The following SLC17A1 variants were observed in gnomAD, a reference collection of about 807,000 sequenced individuals.
The protein encoded by SLC17A1 is solute carrier family 17 member 1, also known as sodium-dependent phosphate transport protein 1.
In SLC17A1, 51 loss-of-function variants were observed where a neutral mutation model predicts 53.5. That is an observed-to-expected ratio of 0.95 (90% CI 0.76 to 1.20). The LOEUF (loss-of-function observed/expected upper bound fraction) is 1.20. Among genes scored for constraint, SLC17A1 ranks in the 50% most tolerant of loss-of-function variants. The pLI is 0.00. For missense variants in SLC17A1, 538 were observed against 568.2 expected, an observed-to-expected ratio of 0.95 and a Z score of 0.54; for synonymous variants, 179 against 198.8, an observed-to-expected ratio of 0.90 and a Z score of 0.84.
In SLC17A1 at chr6:25,819,130, A is replaced by G; in HGVS notation, c.554T>C (p.Val185Ala). The G allele has an allele frequency of 6.2e-7, 1 of 1,610,254 alleles. No individual in the cohort carries two copies. Among genetic ancestry groups the G allele is most frequent in the Middle Eastern group, 1.7e-4 (1 of 6,050 alleles). The part of the protein sequence containing the change: ...TSGFLLGPFI[V>A]LLVTGVICES... ...ACAGATAACTCCAGTCACAAGTAGG[A>G]CAATAAAGGGTCCCAGCAAAAACCC... Residue 185 changes from valine to alanine, a missense_variant, in exon 6 of 13, where the codon GTC becomes GCC. Coordinates refer to ENST00000244527, the MANE Select transcript of SLC17A1 (RefSeq NM_005074.5).
the SLC17A1 span, among the ~76,000 whole-genome samples, chr6:25,765,162 T>C: frequency 0.3 from 45,071 of 152,072 alleles, 7,669 homozygotes; most frequent in East Asian, 0.74. Context: ...AATATGTTTG[T>C]GCAAAGGAAA....
the SLC17A1 span, among the ~76,000 whole-genome samples, chr6:25,743,370 A>G: frequency 6.6e-6 from 1 of 152,374 alleles, no homozygotes; most frequent in Non-Finnish European, 1.5e-5. Flanking sequence ...ACTTTTGAAT[A>G]TAGTTCTCTG....
At chr6:25,783,555 T>C (rs1256385422) in intron 12 of SLC17A1, among the ~76,000 whole-genome samples, 1 of 152,192 alleles carries the variant, frequency 6.6e-6, no homozygotes, top group East Asian at 1.9e-4. Flanking sequence ...TTGCTCTATA[T>C]CTATGTTGTA....
Position 25,819,766 on chromosome 6 carries a change from A to G in SLC17A1, c.357T>C (p.Ser119=), listed in dbSNP as rs372814893. 6.8e-6 allele frequency: 11 copies of G among 1,614,224 alleles called. No homozygotes were observed. In the East Asian group the frequency reaches 1.1e-4, roughly 16 times the overall value. ...CTGGTGGGATGAGCAGGCTTAACAC[A>G]GAGCTGAGGCATAATGCAAAGCCAA... ...KMIGFALCLS[S]VLSLLIPPAA... is the part of the protein sequence containing the mutation. The change falls in exon 4 of 13, where the codon TCT becomes TCC. Residue 119 remains serine (S), a synonymous_variant. Coordinates refer to ENST00000244527, the MANE Select transcript of SLC17A1 (RefSeq NM_005074.5).
chr6:25,728,658 C>CA, the SLC17A1 span, among the ~76,000 whole-genome samples: 1 of 151,980 alleles, frequency 6.6e-6, no homozygotes, highest in Non-Finnish European at 1.5e-5. Flanking sequence ...ACTCAAAATA[C>CA]AAAAAATTAG....
rs536245946 is a variant in SLC17A1, at chr6:25,831,165, C to T, written c.-50-558G>A. ...ATGCCCCTGTCCGTATCTTCAGTTTCCGTGGATAGAGCAGCCACTGATGCA... is the reference window on the plus strand; with the variant it reads ...ATGCCCCTGTCCGTATCTTCAGTTTTCGTGGATAGAGCAGCCACTGATGCA... On this transcript the variant is annotated intron_variant, in intron 1 of 12. Coordinates refer to ENST00000244527, the MANE Select transcript of SLC17A1 (RefSeq NM_005074.5). 6.6e-5 allele frequency among the ~76,000 whole-genome samples: 10 copies of T among 152,260 alleles called. No homozygotes were observed. In the South Asian group the frequency reaches 1.7e-3, roughly 25 times the overall value.
At chr6:25,792,331 TAAAA>T (rs1763519414) in intron 12 of SLC17A1, among the ~76,000 whole-genome samples, 1 of 152,182 alleles carries the variant, frequency 6.6e-6, no homozygotes, top group African/African-American at 2.4e-5. Context: ...TGAACCTGAT[TAAAA>T]ACCTAGGTGG....
chr6:25,788,030 T>G (rs1362077841), intron 12 of SLC17A1, among the ~76,000 whole-genome samples: 3 of 152,196 alleles, frequency 2.0e-5, no homozygotes, highest in African/African-American at 4.8e-5. Context: ...AGTGGGAATA[T>G]GAATCTGGTG....
At chr6:25,733,606 GT>G in the SLC17A1 span, among the ~76,000 whole-genome samples, 2 of 152,018 alleles carry the variant, frequency 1.3e-5, no homozygotes, top group Admixed American at 1.3e-4. Context: ...AGTTTATAAT[GT>G]TTATAAGGTT....
intron 3 of SLC17A1, among the ~76,000 whole-genome samples, chr6:25,824,396 AAAAT>A (rs1321270201): frequency 6.6e-6 from 1 of 151,894 alleles, no homozygotes; most frequent in Admixed American, 6.6e-5. Flanking sequence ...ATGCCATTAA[AAAAT>A]AAATAAATAA....
At chr6:25,738,135 G>T in the SLC17A1 span, among the ~76,000 whole-genome samples, 1 of 152,084 alleles carries the variant, frequency 6.6e-6, no homozygotes, top group African/African-American at 2.4e-5. Context: ...AAACTATTTT[G>T]AAAAAGAATA....
chr6:25,782,156 G>C (rs960175760), downstream of SLC17A1, among the ~76,000 whole-genome samples: 2 of 152,168 alleles, frequency 1.3e-5, no homozygotes, highest in African/African-American at 2.4e-5. Context: ...TCATCTGCTA[G>C]TGCAAGATCT....
At chr6:25,829,417 T>C in intron 2 of SLC17A1, among the ~76,000 whole-genome samples, 1 of 152,154 alleles carries the variant, frequency 6.6e-6, no homozygotes, top group East Asian at 1.9e-4. Context: ...CAGCCAGCCC[T>C]TCCTTTGATT....
At chr6:25,777,934 G>T, downstream of SLC17A1, 1 of 1,612,708 alleles carries the variant, frequency 6.2e-7, no homozygotes, top group Non-Finnish European at 8.5e-7. Flanking sequence ...AGGTACACTG[G>T]CTTTCTCAAA....
At chr6:25,794,368 A>G (rs1443249288) in intron 12 of SLC17A1, among the ~76,000 whole-genome samples, 1 of 152,170 alleles carries the variant, frequency 6.6e-6, no homozygotes, top group Non-Finnish European at 1.5e-5. Flanking sequence ...ACTTTTTAGT[A>G]TCTTGATAAC....
the SLC17A1 span, among the ~76,000 whole-genome samples, chr6:25,775,108 T>C: frequency 6.6e-6 from 1 of 152,134 alleles, no homozygotes; most frequent in African/African-American, 2.4e-5. Context: ...GGCAGGTGGA[T>C]CATCTGAGGT....
intron 12 of SLC17A1, among the ~76,000 whole-genome samples, chr6:25,784,619 G>A (rs987491844): frequency 3.3e-5 from 5 of 152,014 alleles, no homozygotes; most frequent in East Asian, 3.9e-4. Flanking sequence ...CTCGTACTAC[G>A]CCCCACTTTT....
chr6:25,724,012 G>A, the SLC17A1 span, among the ~76,000 whole-genome samples: 1 of 152,174 alleles, frequency 6.6e-6, no homozygotes. Flanking sequence ...TGTTCTATCT[G>A]TAAAACATCG....
chr6:25,779,150 C>T, downstream of SLC17A1: 2 of 1,613,870 alleles, frequency 1.2e-6, no homozygotes, highest in South Asian at 2.2e-5. Flanking sequence ...AGCAGATGTG[C>T]AGGACTGGGC....
Sources: allele counts gnomAD v4.1 joint callset (sites outside exome capture counted in the v4.1 genomes callset), GRCh38; gene constraint gnomAD v4.1.1; transcripts MANE v1.5; gene names NCBI Gene and HGNC (gene_info 2026-07-23, HGNC 2026-07-21).